ABCD2: variants seen among roughly 807,000 people sequenced by gnomAD.
The protein encoded by ABCD2 is ATP binding cassette subfamily D member 2, also known as ATP-binding cassette sub-family D member 2.
A neutral mutation model predicts 70.9 loss-of-function variants in ABCD2; 36 were observed. The observed-to-expected ratio is 0.51, with a 90% confidence interval of 0.39 to 0.67. The LOEUF (loss-of-function observed/expected upper bound fraction) is 0.67, where lower values mean the gene tolerates loss of function less well. Ranked by LOEUF, ABCD2 falls within the 30% of genes least tolerant of loss-of-function variation. ABCD2 has a pLI of 0.00. For synonymous variants in ABCD2, 304 were observed against 306.9 expected, an observed-to-expected ratio of 0.99 and a Z score of 0.10; for missense variants, 729 against 890.2, an observed-to-expected ratio of 0.82 and a Z score of 2.30.
At chr12:39,560,235 C>T (rs1200505204) in intron 9 of ABCD2, among the ~76,000 whole-genome samples, 1 of 152,144 alleles carries the variant, frequency 6.6e-6, no homozygotes, top group East Asian at 1.9e-4. Context: ...TGTTCACTTC[C>T]CACCTATGAG....
At chr12:39,615,421 C>G (rs1218257765) in intron 2 of ABCD2, among the ~76,000 whole-genome samples, 1 of 151,920 alleles carries the variant, frequency 6.6e-6, no homozygotes, top group Non-Finnish European at 1.5e-5. Flanking sequence ...CTCGCTAATA[C>G]TCTTTTGAAA....
intron 6 of ABCD2, among the ~76,000 whole-genome samples, chr12:39,588,373 C>T (rs777608915): frequency 9.2e-5 from 14 of 152,164 alleles, no homozygotes; most frequent in Middle Eastern, 3.4e-3. Flanking sequence ...CGAGATCATC[C>T]TGGATTAACC....
chr12:39,568,940 C>T (rs545663813), intron 9 of ABCD2, among the ~76,000 whole-genome samples: 2 of 152,184 alleles, frequency 1.3e-5, no homozygotes, highest in Non-Finnish European at 2.9e-5. Context: ...TGCAGAACAG[C>T]AAATATTCCT....
intron 6 of ABCD2, among the ~76,000 whole-genome samples, chr12:39,592,133 G>A (rs1197385362): frequency 6.6e-6 from 1 of 152,164 alleles, no homozygotes; most frequent in African/African-American, 2.4e-5. Context: ...TCTGTCAACT[G>A]ACTGCCCAAA....
At chr12:39,538,167 CTTTCT>C in the ABCD2 span, among the ~76,000 whole-genome samples, 1 of 142,824 alleles carries the variant, frequency 7.0e-6, no homozygotes, top group Non-Finnish European at 1.5e-5. Context: ...CATTTTCTTT[CTTTCT>C]TTTTTTTTTT....
At chr12:39,618,386 C>T (rs941368200) in intron 1 of ABCD2, among the ~76,000 whole-genome samples, 9 of 152,082 alleles carry the variant, frequency 5.9e-5, no homozygotes, top group Non-Finnish European at 1.3e-4. Flanking sequence ...TAAGAAAATG[C>T]GTTAGAAATA....
Position 39,602,729 on chromosome 12 carries a change from T to C in ABCD2, c.1500+1183A>G, listed in dbSNP as rs987856777. Among the ~76,000 whole-genome samples, 8 of 152,296 alleles carry C rather than the reference T, an allele frequency of 5.3e-5. No homozygotes were observed. In the South Asian group the frequency reaches 1.0e-3, roughly 20 times the overall value. ...TTATTCTATGTAAAAGAAATGGCTC[T>C]AAATTTTTCTGCAGAAAGAGTGTGA... On this transcript the variant is annotated intron_variant, in intron 5 of 9. Coordinates refer to ENST00000308666, the MANE Select transcript of ABCD2 (RefSeq NM_005164.4).
At chr12:39,591,814 A>C (rs1941750194) in intron 6 of ABCD2, among the ~76,000 whole-genome samples, 1 of 152,212 alleles carries the variant, frequency 6.6e-6, no homozygotes, top group African/African-American at 2.4e-5. Context: ...AGTATTTATC[A>C]TTATATCAGA....
At chr12:39,586,938 T>C (rs556444641) in intron 6 of ABCD2, among the ~76,000 whole-genome samples, 1 of 152,308 alleles carries the variant, frequency 6.6e-6, no homozygotes, top group South Asian at 2.1e-4. Context: ...GGTAACTCAC[T>C]CCACTGGCAG....
chr12:39,604,759 TA>T lies in ABCD2; in HGVS notation c.1405+2del. 1 of 1,580,024 alleles carries T rather than the reference TA, an allele frequency of 6.3e-7. No individual in the cohort carries two copies. The highest frequency in any genetic ancestry group is 1.4e-5 in the African/African-American group (1 of 73,260). On this transcript the variant is annotated splice_donor_variant, in intron 4 of 9. Transcript: ENST00000308666. LOFTEE classifies it high-confidence loss of function. ...AAAATATAAAAGCACTTGAGTTTAATACCTTTAATTGCCAATGTGTCACTGA... is the reference window on the plus strand; with the variant it reads ...AAAATATAAAAGCACTTGAGTTTAATCCTTTAATTGCCAATGTGTCACTGA...
intron 8 of ABCD2, among the ~76,000 whole-genome samples, chr12:39,577,753 G>A (rs1941538936): frequency 6.6e-6 from 1 of 152,080 alleles, no homozygotes; most frequent in African/African-American, 2.4e-5. Context: ...TTCAGAGACT[G>A]TTCTCAAAGT....
intron 7 of ABCD2, among the ~76,000 whole-genome samples, chr12:39,582,791 C>T (rs939840613): frequency 6.6e-6 from 1 of 151,820 alleles, no homozygotes; most frequent in Non-Finnish European, 1.5e-5. Flanking sequence ...TATAAAACTT[C>T]AAGCATTATC....
intron 6 of ABCD2, among the ~76,000 whole-genome samples, chr12:39,599,716 G>C (rs1591991742): frequency 6.6e-6 from 1 of 152,298 alleles, no homozygotes; most frequent in Non-Finnish European, 1.5e-5. Flanking sequence ...TTCAGGCAAA[G>C]GCAAAGGGAC....
At chr12:39,537,113 T>C in the ABCD2 span, among the ~76,000 whole-genome samples, 319 of 152,192 alleles carry the variant, frequency 2.1e-3, no homozygotes, top group African/African-American at 7.3e-3. Flanking sequence ...CTCTGACTCT[T>C]AGGAGATTGT....
At chr12:39,535,787 T>C in the ABCD2 span, among the ~76,000 whole-genome samples, 3 of 152,344 alleles carry the variant, frequency 2.0e-5, no homozygotes, top group Non-Finnish European at 1.5e-5. Flanking sequence ...AATGCCATAA[T>C]TGAAAAGTAG....
chr12:39,597,505 T>A (rs1353704599), intron 6 of ABCD2, among the ~76,000 whole-genome samples: 1 of 152,110 alleles, frequency 6.6e-6, no homozygotes, highest in Non-Finnish European at 1.5e-5. Context: ...ACAGATAAAC[T>A]GCAACAAGAA....
At chr12:39,577,730 T>C (rs1316383049) in intron 8 of ABCD2, among the ~76,000 whole-genome samples, 2 of 152,146 alleles carry the variant, frequency 1.3e-5, no homozygotes, top group African/African-American at 4.8e-5. Context: ...TATGTAAGAA[T>C]ATATCCTAAT....
Position 39,619,403 on chromosome 12 carries a change from G to A in ABCD2, c.213C>T (p.Thr71=), listed in dbSNP as rs951601187. The change falls in exon 1 of 10, where the codon ACC becomes ACT. Residue 71 remains threonine (T), a synonymous_variant. Coordinates refer to ENST00000308666, the MANE Select transcript of ABCD2 (RefSeq NM_005164.4). ...CTCCAGGCGAAGGTTTTTCACAAAT[G>A]GTCTCGGTGCAATGCAGTATTTCTG... ...ENTEILHCTE[T]ICEKPSPGVN... 6.2e-7 allele frequency: 1 copy of A among 1,614,102 alleles called. No homozygotes were observed. The highest frequency in any genetic ancestry group is 1.7e-5 in the Admixed American group (1 of 60,020).
chr12:39,534,633 G>A, the ABCD2 span, among the ~76,000 whole-genome samples: 14,901 of 149,460 alleles, frequency 0.1, 762 homozygotes, highest in East Asian at 0.16. Flanking sequence ...GCAACACAGG[G>A]AGACCCAGAA....
Sources: allele counts gnomAD v4.1 joint callset (sites outside exome capture counted in the v4.1 genomes callset), GRCh38; gene constraint gnomAD v4.1.1; transcripts MANE v1.5; gene names NCBI Gene and HGNC (gene_info 2026-07-23, HGNC 2026-07-21).